Variants in DNAH10 observed in about 807,000 individuals in gnomAD.
DNAH10 encodes the protein axonemal beta dynein heavy chain 10.
In DNAH10, 348 loss-of-function variants were observed where a neutral mutation model predicts 506.6. That is an observed-to-expected ratio of 0.69 (90% confidence interval 0.63 to 0.75). The LOEUF (loss-of-function observed/expected upper bound fraction) is 0.75, where lower values mean the gene tolerates loss of function less well. Among genes scored for constraint, DNAH10 ranks in the 30% least tolerant of loss-of-function variants. The pLI is 0.00. For missense variants in DNAH10, 5,179 were observed against 5,787.1 expected, an observed-to-expected ratio of 0.89 and a Z score of 3.41; for synonymous variants, 2,059 against 2,198.6, an observed-to-expected ratio of 0.94 and a Z score of 1.78.
chr12:123,771,760 T>A, intron 3 of DNAH10, 62 bp downstream of exon 3: 1 of 1,358,668 alleles, frequency 7.4e-7, no homozygotes, highest in Non-Finnish European at 1.0e-6. Flanking sequence ...CCTCTAGGAT[T>A]CAGGGTAACT....
intron 4 of DNAH10, 33 bp downstream of exon 4, chr12:123,772,975 TTGAGGGG>T (rs759163295): frequency 1.3e-6 from 2 of 1,481,562 alleles, no homozygotes; most frequent in South Asian, 1.2e-5. Flanking sequence ...TGTATGTGTG[TTGAGGGG>T]GTGTGGTTGT....
chr12:123,842,804 A>G (rs1425694360), intron 30 of DNAH10, among the ~76,000 whole-genome samples: 1 of 152,236 alleles, frequency 6.6e-6, no homozygotes. Flanking sequence ...GCTAAATGAA[A>G]TAAGTGGTTT....
intron 47 of DNAH10, 47 bp downstream of exon 47, chr12:123,875,538 G>C (rs372637292): frequency 9.3e-5 from 149 of 1,606,876 alleles, no homozygotes; most frequent in Middle Eastern, 1.7e-4. Flanking sequence ...CCTTGTGTTG[G>C]GGGGAAACAT....
At position 123,930,451 on chromosome 12, in the gene DNAH10, C is replaced by T. The variant is rs1955152283; in HGVS notation, c.12662C>T (p.Thr4221Ile). 2 of 1,601,940 alleles carry T rather than the reference C, an allele frequency of 1.2e-6. No individual in the cohort carries two copies. Among genetic ancestry groups the T allele is most frequent in the Non-Finnish European group, 8.5e-7 (1 of 1,176,176 alleles). Residue 4221 changes from threonine (T) to isoleucine (I), a missense_variant, in exon 73 of 79, where the codon ACC becomes ATC. Transcript: ENST00000673944. ...AIDSFDRRIL[T>I]IYMDEYLGDF... ...GACAGCTTTGATCGCCGCATCCTGA[C>T]CATCTACATGGATGAGTACCTGGGG...
At chr12:123,874,606 C>CCCATCCATCCATCCATCCATCCATCCAT (rs111763952) in intron 46 of DNAH10, among the ~76,000 whole-genome samples, 1 of 148,064 alleles carries the variant, frequency 6.8e-6, no homozygotes, top group Non-Finnish European at 1.5e-5. Flanking sequence ...CATCCATCTA[C>CCCATCCATCCATCCATCCATCCATCCAT]CCATCCATCC....
At position 123,813,462 on chromosome 12, in the gene DNAH10, A is replaced by T; in HGVS notation, c.3443A>T (p.Lys1148Met). The T allele has an allele frequency of 6.2e-7, 1 of 1,614,242 alleles. No homozygotes were observed. Residue 1148 changes from lysine to methionine, a missense_variant, in exon 20 of 79, where the codon AAG becomes ATG. Around this residue, in one of 3 missense-constraint regions of DNAH10, gnomAD observed 4,844 missense variants for 5,430.5 expected, o/e 0.89. Coordinates refer to ENST00000673944, the MANE Select transcript of DNAH10 (RefSeq NM_001372106.1). Reference protein sequence around the residue: ...AYDEKLQFYSKIAYEVMRHPL... With the variant: ...AYDEKLQFYSMIAYEVMRHPL... The stretch of plus-strand genomic sequence containing the variant: ...GATGAAAAGTTGCAGTTCTATTCCA[A>T]GATAGCTTATGAGGTTATGCGCCAC...
chr12:123,846,295 G>A lies in DNAH10; in HGVS notation c.5814+141G>A, dbSNP rs1950949091. 4 of 1,159,716 alleles carry A rather than the reference G, an allele frequency of 3.4e-6. No homozygotes were observed. Among genetic ancestry groups the A allele is most frequent in the Admixed American group, 2.9e-5 (1 of 34,484 alleles). 71.8% of individuals were successfully genotyped at this position (1,159,716 alleles called of 1,614,324 possible). On this transcript the variant is annotated intron_variant, in intron 32 of 78. Coordinates refer to ENST00000673944, the MANE Select transcript of DNAH10 (RefSeq NM_001372106.1). This position sits in a 1 kb window ranked among gnomAD's most constrained non-coding sequence, Gnocchi z 4.5. The stretch of plus-strand genomic sequence containing the variant: ...AATCTCGAAAAGCTTTTCCATTTGG[G>A]ATGTGACCAGATTGTCACCATTTGG...
chr12:123,779,392 T>G (rs1223915445), intron 5 of DNAH10, among the ~76,000 whole-genome samples: 1 of 152,184 alleles, frequency 6.6e-6, no homozygotes. Flanking sequence ...GGGTCATTTC[T>G]GGAGGATGAT....
At chr12:123,868,497 A>G (rs1038491568) in intron 43 of DNAH10, among the ~76,000 whole-genome samples, 12 of 152,166 alleles carry the variant, frequency 7.9e-5, no homozygotes, top group African/African-American at 2.2e-4. Flanking sequence ...CATTTTCACC[A>G]TATCATTCAT....
rs1209477553 is a variant in DNAH10, at chr12:123,893,337, T to A, written c.9100T>A (p.Trp3034Arg). The A allele has an allele frequency of 6.2e-7, 1 of 1,613,922 alleles. No homozygotes were observed. Among genetic ancestry groups the A allele is most frequent in the Non-Finnish European group, 8.5e-7 (1 of 1,179,906 alleles). Residue 3034 changes from tryptophan to arginine, a missense_variant, in exon 53 of 79, where the codon TGG becomes AGG. Physicochemically the swap from Trp to Arg is moderately radical, Grantham distance 101. Around this residue, in one of 3 missense-constraint regions of DNAH10, gnomAD observed 4,844 missense variants for 5,430.5 expected, o/e 0.89. Coordinates refer to ENST00000673944, the MANE Select transcript of DNAH10 (RefSeq NM_001372106.1). ...CATGGGGCCGGCCAAGGAGTCTGTG[T>A]GGCAGTACTTCGTGAACAAAAGTGC... ...QGMGPAKESV[W>R]QYFVNKSANN...
At chr12:123,764,377 C>A (rs1484108022) in intron 1 of DNAH10, among the ~76,000 whole-genome samples, 1 of 152,012 alleles carries the variant, frequency 6.6e-6, no homozygotes, top group Non-Finnish European at 1.5e-5. Context: ...ATAACTGGAC[C>A]TCGGATGTAG....
At chr12:123,828,181 T>TAA (rs34229102) in intron 25 of DNAH10, among the ~76,000 whole-genome samples, 9 of 142,174 alleles carry the variant, frequency 6.3e-5, no homozygotes, top group Admixed American at 7.0e-5. Flanking sequence ...AAGTAATTAT[T>TAA]AAAAAAAAAA....
intron 33 of DNAH10, among the ~76,000 whole-genome samples, chr12:123,848,438 A>G (rs1278619588): frequency 6.6e-6 from 1 of 152,210 alleles, no homozygotes; most frequent in Admixed American, 6.5e-5. Context: ...CATAATCACC[A>G]TTTGGGAAAG....
At chr12:123,817,913 G>A (rs1208950431) in intron 21 of DNAH10, among the ~76,000 whole-genome samples, 2 of 151,772 alleles carry the variant, frequency 1.3e-5, no homozygotes, top group African/African-American at 4.8e-5. Context: ...GTTTATGAAG[G>A]GCTTATCTCT....
intron 32 of DNAH10, among the ~76,000 whole-genome samples, chr12:123,847,357 T>G (rs1951003014): frequency 6.6e-6 from 1 of 151,616 alleles, no homozygotes. Flanking sequence ...TCTATCTGGA[T>G]ATTTAGGAGG....
chr12:123,810,319 C>T (rs560906782), intron 19 of DNAH10, among the ~76,000 whole-genome samples: 38 of 152,278 alleles, frequency 2.5e-4, no homozygotes, highest in African/African-American at 8.2e-4. Flanking sequence ...GACATGTTTC[C>T]GGCATTTTTA....
chr12:123,849,217 G>A (rs1490439675), intron 34 of DNAH10, among the ~76,000 whole-genome samples: 1 of 152,176 alleles, frequency 6.6e-6, no homozygotes, highest in Admixed American at 6.5e-5. Flanking sequence ...GAGAAAACCT[G>A]ACTTAGAAAG....
chr12:123,915,910 A>C (rs1400060017), intron 62 of DNAH10, among the ~76,000 whole-genome samples: 1 of 152,220 alleles, frequency 6.6e-6, no homozygotes, highest in East Asian at 1.9e-4. Context: ...GGGGCGGCCC[A>C]ATCACTTTTT....
At chr12:123,882,515 GGGCGTGGT>G (rs905410855) in intron 51 of DNAH10, among the ~76,000 whole-genome samples, 2 of 152,134 alleles carry the variant, frequency 1.3e-5, no homozygotes. Flanking sequence ...GGCTTCGGCC[GGGCGTGGT>G]GGCTCATACC....
Sources: allele counts gnomAD v4.1 joint callset (sites outside exome capture counted in the v4.1 genomes callset), GRCh38; gene constraint gnomAD v4.1.1; regional missense constraint gnomAD v4.1.1; non-coding constraint Gnocchi (gnomAD v3.1); transcripts MANE v1.5; gene names NCBI Gene and HGNC (gene_info 2026-07-23, HGNC 2026-07-21).